Variants in DCHS2 observed in about 807,000 individuals in gnomAD.
DCHS2 encodes dachsous cadherin-related 2, also known as protocadherin-23.
DCHS2 carries 142 observed loss-of-function variants against 182.4 expected under a neutral mutation model. That is an observed-to-expected ratio of 0.78 (90% CI 0.68 to 0.89). The LOEUF (loss-of-function observed/expected upper bound fraction) is 0.89. Ranked by LOEUF, DCHS2 falls within the 40% of genes least tolerant of loss-of-function variation. The pLI is 0.00. For synonymous variants in DCHS2, 1,740 were observed against 1,663.3 expected (o/e 1.05, Z -1.12); for missense variants, 4,319 against 4,198.6 (o/e 1.03, Z -0.79).
intron 1 of DCHS2, among the ~76,000 whole-genome samples, chr4:154,411,037 G>A (rs553743820): frequency 2.0e-5 from 3 of 152,262 alleles, no homozygotes; most frequent in African/African-American, 4.8e-5. Flanking sequence ...CAGGAAATAC[G>A]TCCTTCAGAA....
At chr4:154,292,323 T>G (rs1734704846) in intron 13 of DCHS2, among the ~76,000 whole-genome samples, 1 of 152,216 alleles carries the variant, frequency 6.6e-6, no homozygotes, top group South Asian at 2.1e-4. Context: ...TAAACTGATG[T>G]CTTTGTCTGA....
rs759579418 is a variant in DCHS2 at position 154,315,879 on chromosome 4, A to G, written c.5129T>C (p.Leu1710Ser). ...GTPALSSSQT[L>S]TVTVLDVNDE... is the part of the protein sequence containing the mutation. ...ATTTACATCAAGAACAGTAACTGTC[A>G]AAGTCTGGGATGAAGAAAGTGCTGG... Residue 1710 changes from leucine (L) to serine (S), a missense_variant, in exon 10 of 20, where the codon TTG becomes TCG. Physicochemically the swap from Leu to Ser is moderately radical, Grantham distance 145 (BLOSUM62 -2). Coordinates refer to ENST00000357232, the MANE Select transcript of DCHS2 (RefSeq NM_001358235.2). 9 of 1,613,924 alleles carry G rather than the reference A, an allele frequency of 5.6e-6. No homozygotes were observed. Among genetic ancestry groups the G allele is most frequent in the East Asian group, 2.2e-5 (1 of 44,870 alleles).
Position 154,236,387 on chromosome 4 carries a change from C to A in DCHS2, c.8265G>T (p.Val2755=), listed in dbSNP as rs771315212. The A allele has an allele frequency of 1.4e-5, 23 of 1,613,956 alleles. No individual in the cohort carries two copies. In the East Asian group the frequency reaches 5.1e-4, roughly 36 times the overall value. ...CGTTATCATCCAGGACACTGACAAA[C>A]ACAACTGCAAAAGAAAAATGTTTCT... ...AEKKHFSFAV[V]FVSVLDDNDH... is the part of the protein sequence containing the mutation. The change falls in exon 20 of 20, where the codon GTG becomes GTT. Residue 2755 remains valine (V), a synonymous_variant. Coordinates refer to ENST00000357232, the MANE Select transcript of DCHS2 (RefSeq NM_001358235.2).
At position 154,489,700 on chromosome 4, in the gene DCHS2, C is replaced by A. The variant is rs1213847092; in HGVS notation, c.1656G>T (p.Ala552=). 1.3e-6 allele frequency: 2 copies of A among 1,551,698 alleles called. No homozygotes were observed. Among genetic ancestry groups the A allele is most frequent in the Admixed American group, 2.0e-5 (1 of 51,010 alleles). The change falls in exon 1 of 20, where the codon GCG becomes GCT. Residue 552 remains alanine, a synonymous_variant. Coordinates refer to ENST00000357232, the MANE Select transcript of DCHS2 (RefSeq NM_001358235.2). ...CCCACATGACTACAGTGCCAGGGGC[C>A]GCGGCCTCGGACACTGAGGCCTTGT... is the stretch of plus-strand genomic sequence containing the variant. ...QHYKASVSEA[A]APGTVVMWVS... is the part of the protein sequence containing the mutation.
intron 1 of DCHS2, among the ~76,000 whole-genome samples, chr4:154,452,566 G>C (rs927290099): frequency 2.0e-5 from 3 of 152,102 alleles, no homozygotes; most frequent in African/African-American, 7.2e-5. Flanking sequence ...AGAGGTTGCA[G>C]TGAGCCAAGA....
In DCHS2 at chr4:154,490,341, G is replaced by A; in HGVS notation, c.1015C>T (p.Gln339Ter). The A allele has an allele frequency of 6.5e-7, 1 of 1,541,386 alleles. No individual in the cohort carries two copies. Among genetic ancestry groups the A allele is most frequent in the Non-Finnish European group, 8.7e-7 (1 of 1,145,796 alleles). Residue 339 changes from glutamine (Q) to a stop codon, truncating the protein, a stop_gained, in exon 1 of 20, where the codon CAA becomes TAA. Transcript: ENST00000357232. LOFTEE classifies it high-confidence loss of function. ...CCGCCGCTACCCGCCCCAGGCACTT[G>A]CCGGGCGCGGACGCTGTAGCGCACG... ...GFVRYSVRAR[Q>*]VPGAGSGGGA...
intron 2 of DCHS2, 146 bp downstream of exon 2, chr4:154,377,107 G>T (rs926035096): frequency 5.7e-5 from 39 of 689,942 alleles, no homozygotes; most frequent in Non-Finnish European, 7.8e-5. Context: ...CTGGATATTT[G>T]CTTCAAAAAA....
chr4:154,277,795 C>A (rs1284465202), intron 13 of DCHS2, among the ~76,000 whole-genome samples: 1 of 152,144 alleles, frequency 6.6e-6, no homozygotes, highest in African/African-American at 2.4e-5. Flanking sequence ...AATCCCAGCA[C>A]TTTGGGAGGC....
chr4:154,239,676 T>C (rs2111099396), intron 18 of DCHS2, among the ~76,000 whole-genome samples: 1 of 150,594 alleles, frequency 6.6e-6, no homozygotes, highest in Middle Eastern at 3.4e-3. Context: ...ACCAGGCTAA[T>C]TTTTGTATTT....
chr4:154,430,246 C>T (rs1298588865), intron 1 of DCHS2, among the ~76,000 whole-genome samples: 1 of 152,142 alleles, frequency 6.6e-6, no homozygotes, highest in African/African-American at 2.4e-5. Context: ...TTTTTTCAAC[C>T]AGCCATATTT....
chr4:154,309,773 G>A (rs376078886), intron 10 of DCHS2, among the ~76,000 whole-genome samples: 2 of 152,186 alleles, frequency 1.3e-5, no homozygotes, highest in African/African-American at 2.4e-5. Context: ...GTGCTGTCAC[G>A]ATTAATTAAA....
intron 1 of DCHS2, among the ~76,000 whole-genome samples, chr4:154,446,249 G>A (rs1734280306): frequency 6.6e-6 from 1 of 152,144 alleles, no homozygotes; most frequent in South Asian, 2.1e-4. Context: ...CTTTTATCAT[G>A]GCTCTGAAAT....
intron 19 of DCHS2, among the ~76,000 whole-genome samples, chr4:154,238,359 A>ACTCT (rs1306607934): frequency 6.6e-6 from 1 of 152,002 alleles, no homozygotes; most frequent in African/African-American, 2.4e-5. Flanking sequence ...TTTTAAATGA[A>ACTCT]CTCTCACTTG....
At chr4:154,450,258 A>T (rs1438728621) in intron 1 of DCHS2, among the ~76,000 whole-genome samples, 2 of 152,194 alleles carry the variant, frequency 1.3e-5, no homozygotes, top group Non-Finnish European at 2.9e-5. Context: ...CAAAGAATAG[A>T]AAGGGGACGA....
At chr4:154,338,133 G>A (rs1233131747) in intron 3 of DCHS2, among the ~76,000 whole-genome samples, 2 of 152,114 alleles carry the variant, frequency 1.3e-5, no homozygotes, top group Non-Finnish European at 2.9e-5. Context: ...CTATGATCCC[G>A]CAGCAGCCTG....
rs1203906174 is a variant in DCHS2, at chr4:154,489,786, T to A, written c.1570A>T (p.Thr524Ser). The change falls in exon 1 of 20, where the codon ACG becomes TCG. Residue 524 changes from threonine (T) to serine (S), a missense_variant. Transcript: ENST00000357232. ...AGSPPLSTEE[T>S]LLLRVADLND... ...AGGTCAGCGACCCGGAGTAGCAGCG[T>A]CTCCTCCGTGCTCAGCGGCGGGGAC... 2 of 1,551,366 alleles carry A rather than the reference T, an allele frequency of 1.3e-6. No individual in the cohort carries two copies. The highest frequency in any genetic ancestry group is 1.4e-5 in the African/African-American group (1 of 73,064).
At chr4:154,272,949 T>A (rs1459486222) in intron 13 of DCHS2, among the ~76,000 whole-genome samples, 2 of 152,112 alleles carry the variant, frequency 1.3e-5, no homozygotes, top group Non-Finnish European at 2.9e-5. Context: ...ACTACTCACA[T>A]ACTATTCCTC....
At chr4:154,271,338 A>G (rs1733580406) in intron 13 of DCHS2, among the ~76,000 whole-genome samples, 1 of 152,172 alleles carries the variant, frequency 6.6e-6, no homozygotes, top group African/African-American at 2.4e-5. Flanking sequence ...CCTGTTGCAA[A>G]TACTCAAATC....
At position 154,490,153 on chromosome 4, in the gene DCHS2, G is replaced by A; in HGVS notation, c.1203C>T (p.Ile401=). 3 of 1,549,006 alleles carry A rather than the reference G, an allele frequency of 1.9e-6. No homozygotes were observed. The highest frequency in any genetic ancestry group is 2.6e-6 in the Non-Finnish European group (3 of 1,146,148). Residue 401 remains isoleucine (I), a synonymous_variant, in exon 1 of 20, where the codon ATC becomes ATT. Transcript: ENST00000357232. Reference sequence around the variant, plus strand: ...GGTTGTCATTCACGTCCAGCACGGCGATGGACACGCGCACCGTGGCAACCT... The same window carrying A: ...GGTTGTCATTCACGTCCAGCACGGCAATGGACACGCGCACCGTGGCAACCT... The part of the protein sequence containing the change: ...EPEVATVRVS[I]AVLDVNDNRP...
Sources: gnomAD v4.1 joint callset for allele counts (sites outside exome capture counted in the v4.1 genomes callset) on GRCh38, gnomAD v4.1.1 for gene constraint, MANE v1.5 for transcripts, NCBI Gene and HGNC (gene_info 2026-07-23, HGNC 2026-07-21) for gene names.